Variants in ARID1B observed in about 807,000 individuals in gnomAD.
The protein encoded by ARID1B is AT-rich interactive domain-containing protein 1B.
A neutral mutation model predicts 212.3 loss-of-function variants in ARID1B; 30 were observed. The observed-to-expected ratio is 0.14, with a 90% confidence interval of 0.11 to 0.19. The LOEUF is 0.19. Among genes scored for constraint, ARID1B ranks in the 10% least tolerant of loss-of-function variants. The pLI is 1.00. For synonymous variants in ARID1B, 1,402 were observed against 1,301.7 expected, an observed-to-expected ratio of 1.08 and a Z score of -1.66; for missense variants, 2,891 against 3,204.0, an observed-to-expected ratio of 0.90 and a Z score of 2.36.
intron 4 of ARID1B, among the ~76,000 whole-genome samples, chr6:156,969,727 G>A (rs902565004): frequency 6.6e-6 from 1 of 152,080 alleles, no homozygotes; most frequent in Non-Finnish European, 1.5e-5. Context: ...GCTTTATATG[G>A]CCAGGGGAAC....
intron 5 of ARID1B, among the ~76,000 whole-genome samples, chr6:157,102,447 A>G (rs1197208807): frequency 1.3e-5 from 2 of 152,180 alleles, no homozygotes; most frequent in African/African-American, 4.8e-5. Context: ...TCTTACATAT[A>G]GATAGGAGAG....
At position 156,896,583 on chromosome 6, in the gene ARID1B, A is replaced by AG. The variant is rs1394040944; in HGVS notation, c.1987-4793_1987-4792insG. On this transcript the variant is annotated intron_variant, in intron 2 of 19. Coordinates refer to ENST00000636930, the MANE Select transcript of ARID1B (RefSeq NM_001374828.1). Reference sequence around the variant, plus strand: ...AAGAGCAAAACTGCGTCTCAAAAAAAAAAAAAAAAAAAAAAAAGAGGACAC... The same window carrying AG: ...AAGAGCAAAACTGCGTCTCAAAAAAAGAAAAAAAAAAAAAAAAAGAGGACAC... 4.8e-5 allele frequency among the ~76,000 whole-genome samples: 7 copies of AG among 146,098 alleles called. No homozygotes were observed. In the East Asian group the frequency reaches 8.0e-4, roughly 17 times the overall value.
At chr6:157,076,398 C>T (rs572297458) in intron 4 of ARID1B, among the ~76,000 whole-genome samples, 1 of 151,774 alleles carries the variant, frequency 6.6e-6, no homozygotes, top group South Asian at 2.1e-4. Flanking sequence ...CAATAGTGTC[C>T]TACAGCCTTG....
intron 1 of ARID1B, among the ~76,000 whole-genome samples, chr6:156,795,489 T>C (rs572021361): frequency 6.6e-6 from 1 of 152,174 alleles, no homozygotes; most frequent in Non-Finnish European, 1.5e-5. Context: ...ACACCAAAAT[T>C]AGCATATCTA....
chr6:157,132,204 C>T (rs1009209513), intron 6 of ARID1B, among the ~76,000 whole-genome samples: 1 of 152,104 alleles, frequency 6.6e-6, no homozygotes, highest in African/African-American at 2.4e-5. Flanking sequence ...GTACCATGCA[C>T]GATCTATGTC....
chr6:157,021,614 G>A (rs1780274882), intron 4 of ARID1B, among the ~76,000 whole-genome samples: 1 of 152,160 alleles, frequency 6.6e-6, no homozygotes, highest in Non-Finnish European at 1.5e-5. Context: ...CTCCTCCGAC[G>A]GCGCCGCGCC....
At chr6:157,049,407 G>A (rs1782444020) in intron 4 of ARID1B, among the ~76,000 whole-genome samples, 1 of 152,162 alleles carries the variant, frequency 6.6e-6, no homozygotes, top group Non-Finnish European at 1.5e-5. Context: ...GTGAGGAACT[G>A]GAGAGAAGTA....
At chr6:156,930,835 G>T (rs1791634595) in intron 3 of ARID1B, among the ~76,000 whole-genome samples, 1 of 152,100 alleles carries the variant, frequency 6.6e-6, no homozygotes, top group Non-Finnish European at 1.5e-5. Flanking sequence ...AAAGGAAAAA[G>T]GATTTAAATT....
Position 156,779,456 on chromosome 6 carries a change from C to A in ARID1B, c.1776C>A (p.Thr592=). ...PAMSPGTPGP[T]MGRSQGSPMD... ...TGAGCCCCGGCACCCCCGGACCGAC[C>A]ATGGGCAGATCCCAGGTAACCCTCG... The change falls in exon 1 of 20, where the codon ACC becomes ACA. Residue 592 remains threonine (T), a synonymous_variant. Transcript: ENST00000636930. 1 of 1,430,368 alleles carries A rather than the reference C, an allele frequency of 7.0e-7. No homozygotes were observed. Among genetic ancestry groups the A allele is most frequent in the Non-Finnish European group, 9.2e-7 (1 of 1,086,136 alleles). 88.6% of individuals were successfully genotyped at this position (1,430,368 alleles called of 1,614,324 possible).
At chr6:157,171,105 G>T (rs567558682) in intron 9 of ARID1B, among the ~76,000 whole-genome samples, 1 of 152,156 alleles carries the variant, frequency 6.6e-6, no homozygotes, top group Non-Finnish European at 1.5e-5. Context: ...GTTGAAGTTC[G>T]GTTTGACTCA....
intron 2 of ARID1B, among the ~76,000 whole-genome samples, chr6:156,895,522 G>A (rs775442135): frequency 1.1e-4 from 17 of 152,286 alleles, no homozygotes; most frequent in South Asian, 4.2e-4. Context: ...CTCTTTTCTC[G>A]GAAGGACACC....
chr6:156,958,668 A>G (rs1301385794), intron 4 of ARID1B, among the ~76,000 whole-genome samples: 2 of 152,176 alleles, frequency 1.3e-5, no homozygotes, highest in Non-Finnish European at 1.5e-5. Context: ...AATAATCATT[A>G]TTTTTAATTA....
At chr6:157,047,259 A>T (rs1782298888) in intron 4 of ARID1B, among the ~76,000 whole-genome samples, 1 of 152,196 alleles carries the variant, frequency 6.6e-6, no homozygotes, top group African/African-American at 2.4e-5. Flanking sequence ...TGATCACGAG[A>T]TGTTTGTGGA....
intron 4 of ARID1B, chr6:156,940,473 G>C (rs1792584323): frequency 6.6e-6 from 1 of 152,192 alleles, no homozygotes; most frequent in East Asian, 1.9e-4. Context: ...CTTTGTGAAA[G>C]GAAGGAGGTA....
intron 6 of ARID1B, among the ~76,000 whole-genome samples, chr6:157,124,323 T>C (rs919773385): frequency 6.6e-6 from 1 of 152,144 alleles, no homozygotes; most frequent in Non-Finnish European, 1.5e-5. Flanking sequence ...GAGAGGAGAG[T>C]GTGTTTTAAA....
chr6:157,017,010 G>A (rs1183049960), intron 4 of ARID1B, among the ~76,000 whole-genome samples: 2 of 152,148 alleles, frequency 1.3e-5, no homozygotes, highest in Non-Finnish European at 2.9e-5. Flanking sequence ...GGTATGTTGG[G>A]TCAAATAAAA....
At chr6:156,916,193 AT>A (rs921103848) in intron 3 of ARID1B, among the ~76,000 whole-genome samples, 1 of 151,828 alleles carries the variant, frequency 6.6e-6, no homozygotes, top group African/African-American at 2.4e-5. Context: ...GACATTGGTA[AT>A]TTTTTTTGAT....
At chr6:157,012,077 A>G (rs1779647293) in intron 4 of ARID1B, among the ~76,000 whole-genome samples, 1 of 152,260 alleles carries the variant, frequency 6.6e-6, no homozygotes, top group African/African-American at 2.4e-5. Context: ...ACTGTTCAAG[A>G]ATTATGATAA....
chr6:157,181,675 G>A (rs1397048039), intron 12 of ARID1B, among the ~76,000 whole-genome samples: 6 of 152,158 alleles, frequency 3.9e-5, no homozygotes, highest in Admixed American at 3.9e-4. Flanking sequence ...CCTCCAGCGG[G>A]CTAGGCCTGA....
Sources: allele counts gnomAD v4.1 joint callset (sites outside exome capture counted in the v4.1 genomes callset), GRCh38; gene constraint gnomAD v4.1.1; transcripts MANE v1.5; gene names NCBI Gene and HGNC (gene_info 2026-07-23, HGNC 2026-07-21).